The following CCDC18 variants were observed in gnomAD, a reference collection of about 807,000 sequenced individuals.
CCDC18 encodes coiled-coil domain containing 18, also known as coiled-coil domain-containing protein 18.
In CCDC18, 157 loss-of-function variants were observed where a neutral mutation model predicts 196.0. The observed-to-expected ratio is 0.80, with a 90% confidence interval of 0.70 to 0.91. The LOEUF (loss-of-function observed/expected upper bound fraction) is 0.91, where lower values mean the gene tolerates loss of function less well. Among genes scored for constraint, CCDC18 ranks in the 40% least tolerant of loss-of-function variants. CCDC18 has a pLI of 0.00. For synonymous variants in CCDC18, 482 were observed against 529.2 expected (o/e 0.91, Z 1.22); for missense variants, 1,465 against 1,611.6 (o/e 0.91, Z 1.56).
rs747807401 is a variant in CCDC18, at chr1:93,207,287, A to T, written c.1098A>T (p.Glu366Asp). ...DKFSLMNENR[E>D]LKVRVAAQNE... ...TTTCTTTAATGAATGAAAACCGAGA[A>T]TTAAAGGTCCGTGTTGCAGCACAGA... The change falls in exon 9 of 29, where the codon GAA becomes GAT. Residue 366 changes from glutamate (E) to aspartate (D), a missense_variant. Coordinates refer to ENST00000690025, the MANE Select transcript of CCDC18 (RefSeq NM_001378204.1). 6.2e-7 allele frequency: 1 copy of T among 1,613,768 alleles called. No individual in the cohort carries two copies. Among genetic ancestry groups the T allele is most frequent in the Non-Finnish European group, 8.5e-7 (1 of 1,179,748 alleles).
At chr1:93,236,208 C>T in intron 18 of CCDC18, 40 bp from the exon 19 acceptor site, 1 of 1,511,626 alleles carries the variant, frequency 6.6e-7, no homozygotes, top group Non-Finnish European at 8.9e-7. Context: ...AAGTATTTTT[C>T]TTCTGAATTT....
chr1:93,193,512 T>C, intron 5 of CCDC18, 104 bp from the exon 6 acceptor site: 1 of 692,092 alleles, frequency 1.4e-6, no homozygotes. Flanking sequence ...TTGTTTCTCT[T>C]AACTCATTGA....
At chr1:93,191,088 A>AT (rs5776172) in intron 4 of CCDC18, 7,020 of 471,738 alleles carry the variant, frequency 0.015, 14 homozygotes, top group Non-Finnish European at 0.021. Context: ...CAGCAAGGAG[A>AT]TTTTTTTTTT....
intron 1 of CCDC18, 176 bp downstream of exon 1, chr1:93,181,028 A>C (rs1156355348): frequency 1.7e-6 from 1 of 589,104 alleles, no homozygotes; most frequent in Non-Finnish European, 2.7e-6. Context: ...TTTGATGAAA[A>C]ATAGGAGGCC....
chr1:93,228,309 G>A (rs1658720063), intron 17 of CCDC18, among the ~76,000 whole-genome samples: 1 of 152,080 alleles, frequency 6.6e-6, no homozygotes. Flanking sequence ...CAATAGAGGA[G>A]GAGCACTGCA....
intron 11 of CCDC18, among the ~76,000 whole-genome samples, chr1:93,214,503 T>C (rs1382767223): frequency 6.6e-6 from 1 of 152,218 alleles, no homozygotes; most frequent in Admixed American, 6.5e-5. Context: ...TACAAAGGAA[T>C]AGTCTTAGCT....
chr1:93,196,102 C>T (rs989098923), intron 6 of CCDC18, among the ~76,000 whole-genome samples: 1 of 152,158 alleles, frequency 6.6e-6, no homozygotes, highest in African/African-American at 2.4e-5. Flanking sequence ...ATAGGTGGAT[C>T]ACTTGAGCTC....
At chr1:93,197,327 G>A (rs1250911928) in intron 6 of CCDC18, among the ~76,000 whole-genome samples, 1 of 152,072 alleles carries the variant, frequency 6.6e-6, no homozygotes, top group Non-Finnish European at 1.5e-5. Flanking sequence ...GGATTGGCAA[G>A]GGACTCCCAA....
chr1:93,180,258 C>G (rs1439362627), upstream of CCDC18: 1 of 1,597,582 alleles, frequency 6.3e-7, no homozygotes, highest in African/African-American at 1.4e-5. Context: ...CTGGGGCGAT[C>G]CCGGGCTGAA....
At chr1:93,204,634 A>C (rs1229010008) in intron 7 of CCDC18, among the ~76,000 whole-genome samples, 1 of 152,190 alleles carries the variant, frequency 6.6e-6, no homozygotes, top group Non-Finnish European at 1.5e-5. Context: ...TTAAATACTG[A>C]GATCAAGGAG....
chr1:93,207,691 T>A (rs1308272278), intron 9 of CCDC18, among the ~76,000 whole-genome samples: 3 of 152,180 alleles, frequency 2.0e-5, no homozygotes, highest in African/African-American at 7.2e-5. Context: ...TACTAATCTA[T>A]GATTTTTAGT....
intron 11 of CCDC18, among the ~76,000 whole-genome samples, chr1:93,213,244 T>C (rs1655959849): frequency 6.6e-6 from 1 of 152,100 alleles, no homozygotes; most frequent in Admixed American, 6.5e-5. Flanking sequence ...TGGGGACCCC[T>C]GCAGTTAAGA....
At chr1:93,189,153 C>G (rs149595633) in intron 4 of CCDC18, among the ~76,000 whole-genome samples, 10 of 152,182 alleles carry the variant, frequency 6.6e-5, no homozygotes, top group Admixed American at 1.3e-4. Flanking sequence ...TGGTAACCAT[C>G]CTTTTACTCT....
At chr1:93,216,062 G>A (rs1264393504) in intron 12 of CCDC18, among the ~76,000 whole-genome samples, 1 of 152,160 alleles carries the variant, frequency 6.6e-6, no homozygotes, top group African/African-American at 2.4e-5. Flanking sequence ...CCAAGGCTGA[G>A]GAAAAAGAAC....
At chr1:93,209,543 A>G (rs522999) in intron 9 of CCDC18, among the ~76,000 whole-genome samples, 108,477 of 152,086 alleles carry the variant, frequency 0.71, 41,898 homozygotes, top group East Asian at 0.96. Flanking sequence ...ATTCAATACT[A>G]TTTTATTGGT....
intron 18 of CCDC18, among the ~76,000 whole-genome samples, chr1:93,234,870 C>T (rs1168670797): frequency 6.6e-6 from 1 of 150,962 alleles, no homozygotes; most frequent in Non-Finnish European, 1.5e-5. Context: ...GCAGCCTCAA[C>T]TTCCCTGGGC....
At chr1:93,222,196 A>G (rs890442893) in intron 16 of CCDC18, among the ~76,000 whole-genome samples, 2 of 152,084 alleles carry the variant, frequency 1.3e-5, no homozygotes, top group African/African-American at 4.8e-5. Context: ...AATTGTAAAC[A>G]TTGTACAGAT....
intron 8 of CCDC18, 109 bp downstream of exon 8, chr1:93,205,740 A>G: frequency 9.7e-7 from 1 of 1,031,136 alleles, no homozygotes; most frequent in Non-Finnish European, 1.4e-6. Context: ...CATTATATAG[A>G]AGGATAGGCT....
chr1:93,221,093 A>T (rs1657363853), intron 14 of CCDC18, among the ~76,000 whole-genome samples: 1 of 152,150 alleles, frequency 6.6e-6, no homozygotes, highest in African/African-American at 2.4e-5. Flanking sequence ...ATGAACATAC[A>T]CATGCATGTA....
Sources: gnomAD v4.1 joint callset for allele counts (sites outside exome capture counted in the v4.1 genomes callset) on GRCh38, gnomAD v4.1.1 for gene constraint, MANE v1.5 for transcripts, NCBI Gene and HGNC (gene_info 2026-07-23, HGNC 2026-07-21) for gene names.